Variants in RABGEF1 observed in about 807,000 individuals in gnomAD.
RABGEF1 encodes rab5 GDP/GTP exchange factor.
A neutral mutation model predicts 57.3 loss-of-function variants in RABGEF1; 26 were observed. The observed-to-expected ratio is 0.45, with a 90% CI of 0.33 to 0.63. The LOEUF (loss-of-function observed/expected upper bound fraction) is 0.63, where lower values mean the gene tolerates loss of function less well. Ranked by LOEUF, RABGEF1 falls within the 20% of genes least tolerant of loss-of-function variation. The pLI is 0.02. For synonymous variants in RABGEF1, 185 were observed against 210.7 expected (o/e 0.88, Z 1.06); for missense variants, 464 against 607.6 (o/e 0.76, Z 2.48).
chr7:66,705,128 C>T (rs1293060160), intron 1 of RABGEF1, among the ~76,000 whole-genome samples: 1 of 152,014 alleles, frequency 6.6e-6, no homozygotes, highest in Non-Finnish European at 1.5e-5. Context: ...TGGCCGGGCG[C>T]GGTGGCTCAT....
intron 1 of RABGEF1, among the ~76,000 whole-genome samples, chr7:66,763,972 T>C (rs1397774902): frequency 6.6e-6 from 1 of 152,214 alleles, no homozygotes; most frequent in Non-Finnish European, 1.5e-5. Context: ...TGTGGACACA[T>C]GTTTTTATTT....
the RABGEF1 span, among the ~76,000 whole-genome samples, chr7:66,663,681 T>A: frequency 2.0e-5 from 3 of 149,716 alleles, no homozygotes; most frequent in Admixed American, 2.0e-4. Flanking sequence ...GCATGGCACA[T>A]GTATACATAT....
chr7:66,772,135 G>T, intron 2 of RABGEF1, 57 bp downstream of exon 2: 1 of 1,289,636 alleles, frequency 7.8e-7, no homozygotes, highest in Non-Finnish European at 1.0e-6. Flanking sequence ...ACATAGTTCT[G>T]TCACCGTCTA....
chr7:66,741,787 C>T (rs1799016686), intron 1 of RABGEF1, among the ~76,000 whole-genome samples: 2 of 152,156 alleles, frequency 1.3e-5, no homozygotes, highest in African/African-American at 2.4e-5. Context: ...CCGCCTCGGC[C>T]TCCCAGAGTG....
intron 1 of RABGEF1, among the ~76,000 whole-genome samples, chr7:66,698,928 T>C (rs1792774169): frequency 6.6e-6 from 1 of 152,218 alleles, no homozygotes; most frequent in Non-Finnish European, 1.5e-5. Flanking sequence ...TCCCCTTGGC[T>C]GGTCACAAGT....
At position 66,702,387 on chromosome 7, in the gene RABGEF1, GTGTC is replaced by G. The variant is rs1198102979; in HGVS notation, c.-872-9779_-872-9776del. Reference sequence around the variant, plus strand: ...TGTGTGTGTGTGTGTGTGTGTGTGTGTGTCAGCTCCTTTAGGGTCTGACTTTTGG... The same window carrying G: ...TGTGTGTGTGTGTGTGTGTGTGTGTGAGCTCCTTTAGGGTCTGACTTTTGG... On this transcript the variant is annotated intron_variant and NMD_transcript_variant, in intron 1 of 9. Transcript: ENST00000607882. 5.6e-5 allele frequency among the ~76,000 whole-genome samples: 8 copies of G among 142,326 alleles called. 1 individual carries two copies. The highest frequency in any genetic ancestry group is 2.1e-4 in the Admixed American group (3 of 14,222). The allele number at this position is 142,326 out of a possible 152,430, so 93.4% of individuals were successfully genotyped here.
chr7:66,801,395 G>GTTATATTCTCTTAA lies in RABGEF1; in HGVS notation c.820+1985_820+1998dup, dbSNP rs1385764674. 4.6e-5 allele frequency among the ~76,000 whole-genome samples: 7 copies of GTTATATTCTCTTAA among 152,254 alleles called. No individual in the cohort carries two copies. In the South Asian group the frequency reaches 1.4e-3, roughly 32 times the overall value. ...TAGCTTTTGTATTACAGAGAATCCT[G>GTTATATTCTCTTAA]TTATATTCTCTTAATTACTTTTTAA... On this transcript the variant is annotated intron_variant, in intron 7 of 8. Transcript: ENST00000284957.
the RABGEF1 span, chr7:66,669,895 A>G: frequency 7.3e-5 from 11 of 151,532 alleles, no homozygotes; most frequent in African/African-American, 2.7e-4. Flanking sequence ...TCTACCTCCA[A>G]AATAAATCCC....
intron 1 of RABGEF1, among the ~76,000 whole-genome samples, chr7:66,748,455 T>G (rs1427188569): frequency 6.6e-6 from 1 of 152,226 alleles, no homozygotes; most frequent in East Asian, 1.9e-4. Context: ...ATCTGTTTTC[T>G]GTTGTTGGTG....
In RABGEF1 at chr7:66,762,030, G is replaced by A. The variant is rs1218042562; in HGVS notation, c.-17-9853G>A. Among the ~76,000 whole-genome samples, 4 of 151,832 alleles carry A rather than the reference G, an allele frequency of 2.6e-5. No individual in the cohort carries two copies. In the East Asian group the frequency reaches 7.7e-4, roughly 29 times the overall value. The stretch of plus-strand genomic sequence containing the variant: ...GACCTCACCACTGCACTCCAGCTTG[G>A]GCAACAGAGCGAGACCCTGTCTCAA... On this transcript the variant is annotated intron_variant, in intron 1 of 8. Coordinates refer to ENST00000284957, the MANE Select transcript of RABGEF1 (RefSeq NM_014504.3).
rs1252891466 is a variant in RABGEF1, at chr7:66,725,677, C to G, written c.-815+13453C>G. Among the ~76,000 whole-genome samples, 3 of 152,134 alleles carry G rather than the reference C, an allele frequency of 2.0e-5. No individual in the cohort carries two copies. In the East Asian group the frequency reaches 5.8e-4, roughly 29 times the overall value. On this transcript the variant is annotated intron_variant and NMD_transcript_variant, in intron 2 of 9. Transcript: ENST00000607882. Reference sequence around the variant, plus strand: ...CTTTATGGATGAGGAAAGTGCAGCTCGGATAGAAGGCCACACTGTGGGTGG... The same window carrying G: ...CTTTATGGATGAGGAAAGTGCAGCTGGGATAGAAGGCCACACTGTGGGTGG...
chr7:66,698,560 C>T (rs1426457503), intron 1 of RABGEF1, among the ~76,000 whole-genome samples: 1 of 152,154 alleles, frequency 6.6e-6, no homozygotes, highest in Admixed American at 6.5e-5. Context: ...GGAGCAGGGT[C>T]TCTGGGCAGG....
chr7:66,786,516 G>T (rs1584106072), intron 4 of RABGEF1, among the ~76,000 whole-genome samples: 1 of 152,082 alleles, frequency 6.6e-6, no homozygotes, highest in Non-Finnish European at 1.5e-5. Context: ...TGATCCTCCT[G>T]CCTTAGTCTC....
upstream of RABGEF1, among the ~76,000 whole-genome samples, chr7:66,739,012 G>A (rs1330154236): frequency 2.6e-5 from 4 of 152,004 alleles, no homozygotes; most frequent in Admixed American, 1.3e-4. Flanking sequence ...GTGCAATGGC[G>A]CAATCTCAGC....
chr7:66,807,046 G>A (rs552176177), intron 8 of RABGEF1, among the ~76,000 whole-genome samples: 1 of 152,280 alleles, frequency 6.6e-6, no homozygotes, highest in East Asian at 1.9e-4. Context: ...GGAAGTCCCT[G>A]AGAAGTGTGA....
rs550339466 is a variant in RABGEF1 at position 66,684,122 on chromosome 7, G to A, written c.-873+1864G>A. Among the ~76,000 whole-genome samples the A allele has an allele frequency of 3.3e-5, 5 of 152,242 alleles. No homozygotes were observed. The East Asian group carries it at 9.7e-4, about 29-fold the overall frequency. ...TCTGATGGTGACAGAACCAGGGAAG[G>A]GTTTTTAGCTGGGTCCTTATGTGGT... On this transcript the variant is annotated intron_variant and NMD_transcript_variant, in intron 1 of 9. Coordinates refer to the RABGEF1 transcript ENST00000607882.
intron 1 of RABGEF1, among the ~76,000 whole-genome samples, chr7:66,757,837 T>A (rs2129074992): frequency 6.6e-6 from 1 of 152,294 alleles, no homozygotes; most frequent in African/African-American, 2.4e-5. Context: ...GGTCTCGATC[T>A]TCTGACCTCG....
chr7:66,683,503 CA>C (rs1790108048), intron 1 of RABGEF1, among the ~76,000 whole-genome samples: 1 of 152,132 alleles, frequency 6.6e-6, no homozygotes, highest in Admixed American at 6.5e-5. Flanking sequence ...GGAGAAGGGA[CA>C]GTCAAGATAC....
At chr7:66,722,407 G>A (rs937149008) in intron 2 of RABGEF1, among the ~76,000 whole-genome samples, 4 of 152,142 alleles carry the variant, frequency 2.6e-5, no homozygotes, top group African/African-American at 4.8e-5. Flanking sequence ...GCCATTGCAC[G>A]CCAGCCTGGA....
Sources: gnomAD v4.1 joint callset for allele counts (sites outside exome capture counted in the v4.1 genomes callset) on GRCh38, gnomAD v4.1.1 for gene constraint, MANE v1.5 for transcripts, NCBI Gene and HGNC (gene_info 2026-07-23, HGNC 2026-07-21) for gene names.